Variants in DPP6 observed in about 807,000 individuals in gnomAD.
DPP6 encodes dipeptidyl peptidase like 6.
A neutral mutation model predicts 122.6 loss-of-function variants in DPP6; 69 were observed. That is an observed-to-expected ratio of 0.56 (90% CI 0.46 to 0.69). The LOEUF (loss-of-function observed/expected upper bound fraction) is 0.69, where lower values mean the gene tolerates loss of function less well. Among genes scored for constraint, DPP6 ranks in the 30% least tolerant of loss-of-function variants. The pLI is 0.00. For synonymous variants in DPP6, 418 were observed against 433.1 expected (o/e 0.97, Z 0.43); for missense variants, 928 against 1,116.9 (o/e 0.83, Z 2.41).
chr7:153,875,764 G>A, the DPP6 span, among the ~76,000 whole-genome samples: 6 of 151,732 alleles, frequency 4.0e-5, no homozygotes, highest in Non-Finnish European at 5.9e-5. Context: ...GAGGAAAAAC[G>A]GGACAAACAG....
At chr7:154,673,310 C>T (rs1838683884) in intron 7 of DPP6, among the ~76,000 whole-genome samples, 1 of 152,224 alleles carries the variant, frequency 6.6e-6, no homozygotes, top group Admixed American at 6.5e-5. Context: ...CATGTAGCCT[C>T]CTGTGCTGAC....
At chr7:154,480,757 C>A (rs1350344923) in intron 3 of DPP6, among the ~76,000 whole-genome samples, 1 of 152,078 alleles carries the variant, frequency 6.6e-6, no homozygotes, top group Non-Finnish European at 1.5e-5. Flanking sequence ...TCAATTTTAA[C>A]CTTAATATCT....
At chr7:153,829,878 CCTT>C in the DPP6 span, among the ~76,000 whole-genome samples, 2 of 152,168 alleles carry the variant, frequency 1.3e-5, no homozygotes, top group South Asian at 4.1e-4. Context: ...AGCGGCCACC[CCTT>C]CTTATAACTG....
At chr7:154,498,061 T>C (rs1824908191) in intron 3 of DPP6, among the ~76,000 whole-genome samples, 1 of 152,180 alleles carries the variant, frequency 6.6e-6, no homozygotes, top group African/African-American at 2.4e-5. Context: ...GAGAGAATAA[T>C]ATCAGAGGCA....
intron 8 of DPP6, among the ~76,000 whole-genome samples, chr7:154,737,070 T>A (rs1053990200): frequency 6.6e-6 from 1 of 152,224 alleles, no homozygotes; most frequent in Non-Finnish European, 1.5e-5. Context: ...GGGCACAGGA[T>A]CATAGCTCAT....
At chr7:154,009,523 C>T (rs1357930046) in intron 1 of DPP6, among the ~76,000 whole-genome samples, 5 of 151,560 alleles carry the variant, frequency 3.3e-5, no homozygotes, top group African/African-American at 1.2e-4. Context: ...AGAGCCCTGC[C>T]TGGCTGGTCT....
At chr7:154,319,710 AT>A (rs928338805) in intron 1 of DPP6, among the ~76,000 whole-genome samples, 1 of 151,840 alleles carries the variant, frequency 6.6e-6, no homozygotes, top group Non-Finnish European at 1.5e-5. Context: ...AATATGCAAC[AT>A]GCCGGGTGCA....
intron 5 of DPP6, among the ~76,000 whole-genome samples, chr7:154,617,947 G>A (rs911489546): frequency 3.3e-5 from 5 of 152,004 alleles, no homozygotes; most frequent in Admixed American, 1.3e-4. Context: ...AAAGAAGGGA[G>A]AGGGACTTCA....
At chr7:154,463,234 GTC>G (rs1821463676) in intron 2 of DPP6, among the ~76,000 whole-genome samples, 1 of 116,492 alleles carries the variant, frequency 8.6e-6, no homozygotes, top group African/African-American at 3.4e-5. Context: ...TTGAGACGGA[GTC>G]TCGCTCTGTC....
At chr7:154,066,762 A>T (rs1802759764) in intron 1 of DPP6, among the ~76,000 whole-genome samples, 1 of 152,092 alleles carries the variant, frequency 6.6e-6, no homozygotes, top group Admixed American at 6.5e-5. Flanking sequence ...TTTACTCGAT[A>T]CCAACCATGG....
intron 1 of DPP6, among the ~76,000 whole-genome samples, chr7:154,397,811 T>C (rs990098864): frequency 6.6e-6 from 1 of 152,194 alleles, no homozygotes; most frequent in African/African-American, 2.4e-5. Context: ...TACATTTGTT[T>C]GCGCTGTGCT....
intron 1 of DPP6, among the ~76,000 whole-genome samples, chr7:154,000,815 A>T (rs1473149402): frequency 6.6e-6 from 1 of 152,116 alleles, no homozygotes; most frequent in African/African-American, 2.4e-5. Context: ...TTTTCTAGGC[A>T]TAAACCTGAG....
chr7:154,138,045 T>C (rs1795665810), intron 1 of DPP6, among the ~76,000 whole-genome samples: 1 of 152,206 alleles, frequency 6.6e-6, no homozygotes, highest in Admixed American at 6.5e-5. Context: ...AGACCAGTGT[T>C]CCTAAGATGC....
chr7:154,206,825 G>A (rs1159162894), intron 1 of DPP6, among the ~76,000 whole-genome samples: 1 of 152,206 alleles, frequency 6.6e-6, no homozygotes, highest in Non-Finnish European at 1.5e-5. Context: ...CTTTGAAATG[G>A]TTAATGCTGT....
chr7:153,808,734 T>C, the DPP6 span, among the ~76,000 whole-genome samples: 2 of 152,056 alleles, frequency 1.3e-5, no homozygotes, highest in African/African-American at 4.8e-5. Flanking sequence ...GATTTCATTC[T>C]TTTTTTAAAG....
intron 1 of DPP6, among the ~76,000 whole-genome samples, chr7:154,136,085 C>G (rs1585456541): frequency 6.6e-6 from 1 of 152,222 alleles, no homozygotes; most frequent in African/African-American, 2.4e-5. Flanking sequence ...GTGTTGCTTT[C>G]TGAGACCTAC....
chr7:154,514,712 A>G (rs1189514637), intron 3 of DPP6, among the ~76,000 whole-genome samples: 1 of 152,244 alleles, frequency 6.6e-6, no homozygotes, highest in Non-Finnish European at 1.5e-5. Context: ...AGCCTGTGAC[A>G]GAACTTCCTT....
At chr7:154,784,411 C>G (rs539451880) in intron 10 of DPP6, among the ~76,000 whole-genome samples, 48 of 152,308 alleles carry the variant, frequency 3.2e-4, no homozygotes, top group African/African-American at 1.0e-3. Flanking sequence ...GAGAGCTCAG[C>G]ACACCAGAGC....
rs1250776032 is a variant in DPP6, at chr7:154,118,813, T to C, written c.243+65750T>C. Among the ~76,000 whole-genome samples, 2 of 147,956 alleles carry C rather than the reference T, an allele frequency of 1.4e-5. 1 individual carries two copies. Among genetic ancestry groups the C allele is most frequent in the Non-Finnish European group, 3.0e-5 (2 of 67,042 alleles). On this transcript the variant is annotated intron_variant, in intron 1 of 25. Coordinates refer to ENST00000377770, the MANE Select transcript of DPP6 (RefSeq NM_130797.4). The stretch of plus-strand genomic sequence containing the variant: ...CACAACATCAAACTAGAAGTATTCA[T>C]GCCACCCCCTACCCCTGCCAACTAG...
Sources: allele counts gnomAD v4.1 joint callset (sites outside exome capture counted in the v4.1 genomes callset), GRCh38; gene constraint gnomAD v4.1.1; transcripts MANE v1.5; gene names NCBI Gene and HGNC (gene_info 2026-07-23, HGNC 2026-07-21).